Variants in COPS2 observed in about 807,000 individuals in gnomAD.
COPS2 encodes COP9 signalosome complex subunit 2.
A neutral mutation model predicts 66.1 loss-of-function variants in COPS2; 10 were observed. The ratio of observed to expected loss-of-function variants is 0.15; its 90% CI spans 0.09 to 0.26. COPS2 has a LOEUF of 0.26. Ranked by LOEUF, COPS2 falls within the 10% of genes least tolerant of loss-of-function variation. COPS2 has a pLI of 1.00. For synonymous variants in COPS2, 179 were observed against 171.3 expected, an observed-to-expected ratio of 1.04 and a Z score of -0.35; for missense variants, 215 against 513.3, an observed-to-expected ratio of 0.42 and a Z score of 5.62.
Position 49,124,994 on chromosome 15 carries a change from TATTG to T in COPS2, c.*2952_*2955del, listed in dbSNP as rs1055550871. 1.1e-4 allele frequency: 17 copies of T among 152,170 alleles called. No individual in the cohort carries two copies. The highest frequency in any genetic ancestry group is 3.3e-4 in the Admixed American group (5 of 15,286). 9.4% of individuals were successfully genotyped at this position (152,170 alleles called of 1,614,324 possible). A position where few individuals can be genotyped will look rare whatever the true frequency, so the allele number is the denominator to read the frequency against. On this transcript the variant is annotated 3_prime_UTR_variant, in exon 13 of 13. Coordinates refer to ENST00000388901, the MANE Select transcript of COPS2 (RefSeq NM_004236.4). ...CCTGTGTTTACTGAAGAACTGTAAC[TATTG>T]ATTAAAAAAGAAAATTTCCCACAAA...
chr15:49,151,144 T>C (rs2084357892), intron 1 of COPS2, among the ~76,000 whole-genome samples: 1 of 152,144 alleles, frequency 6.6e-6, no homozygotes. Flanking sequence ...CTCACGTCTG[T>C]AATCTCAGCA....
intron 6 of COPS2, 92 bp from the exon 7 acceptor site, chr15:49,134,606 AT>A: frequency 9.7e-7 from 1 of 1,029,452 alleles, no homozygotes; most frequent in Non-Finnish European, 1.4e-6. Context: ...TTATAATACT[AT>A]TTCCATGTGA....
At position 49,127,945 on chromosome 15, in the gene COPS2, C is replaced by T. The variant is rs768322431; in HGVS notation, c.*5G>A. 1.2e-5 allele frequency: 20 copies of T among 1,613,160 alleles called. No homozygotes were observed. The highest frequency in any genetic ancestry group is 1.6e-5 in the Non-Finnish European group (19 of 1,179,484). On this transcript the variant is annotated 3_prime_UTR_variant, in exon 13 of 13. Coordinates refer to ENST00000388901, the MANE Select transcript of COPS2 (RefSeq NM_004236.4). ...TTAAGGACGTCTGTAAAAGCTTGTTCTCTGTTAAGCCAGTTTACTGACTAC... is the reference window on the plus strand; with the variant it reads ...TTAAGGACGTCTGTAAAAGCTTGTTTTCTGTTAAGCCAGTTTACTGACTAC...
rs1301612535 is a variant in COPS2, at chr15:49,130,457, A to AT, written c.1045+261dup. 5.3e-5 allele frequency among the ~76,000 whole-genome samples: 8 copies of AT among 152,286 alleles called. 1 individual carries two copies. Among genetic ancestry groups the AT allele is most frequent in the Middle Eastern group, 6.8e-3 (2 of 294 alleles). On this transcript the variant is annotated intron_variant, in intron 10 of 12. Transcript: ENST00000388901. ...AAACATGCAACAGCATCTATATTAG[A>AT]TTTTTTTAAAAAGGGACAGTTACCT...
rs200836436 is a variant in COPS2 at position 49,137,341 on chromosome 15, C to T, written c.462+7G>A. On this transcript the variant is annotated splice_region_variant and intron_variant, in intron 5 of 12. Coordinates refer to ENST00000388901, the MANE Select transcript of COPS2 (RefSeq NM_004236.4). ...CAAAAGAAAAGTGTAAGTATTATAA[C>T]GGTTACCTTTGTGTTTGTCTTAAAC... The T allele has an allele frequency of 5.0e-5, 79 of 1,593,950 alleles. No individual in the cohort carries two copies. Among genetic ancestry groups the T allele is most frequent in the Non-Finnish European group, 6.0e-5 (70 of 1,162,876 alleles).
intron 1 of COPS2, among the ~76,000 whole-genome samples, chr15:49,155,031 A>G (rs1017427048): frequency 5.9e-5 from 9 of 152,158 alleles, no homozygotes; most frequent in Non-Finnish European, 1.3e-4. Flanking sequence ...TCTCCAGGAG[A>G]CTCACAAGTT....
chr15:49,130,924 A>G (rs2289391), intron 9 of COPS2, 108 bp from the exon 10 acceptor site: 10,118 of 509,892 alleles, frequency 0.02, 323 homozygotes, highest in South Asian at 0.081. Flanking sequence ...AAATCTAAAT[A>G]ATATTATACT....
At chr15:49,147,396 C>G (rs2084328083) in intron 1 of COPS2, among the ~76,000 whole-genome samples, 1 of 151,638 alleles carries the variant, frequency 6.6e-6, no homozygotes, top group Non-Finnish European at 1.5e-5. Context: ...TGGCTCAAAA[C>G]AAATTAGAAA....
chr15:49,129,347 T>G, intron 11 of COPS2, 130 bp downstream of exon 11: 1 of 409,298 alleles, frequency 2.4e-6, no homozygotes, highest in Non-Finnish European at 4.4e-6. Flanking sequence ...CCTTAAGTTA[T>G]GTTTAATTTA....
chr15:49,147,043 C>T (rs1204867329), intron 1 of COPS2, among the ~76,000 whole-genome samples: 1 of 152,106 alleles, frequency 6.6e-6, no homozygotes, highest in African/African-American at 2.4e-5. Context: ...CATTTCAGAT[C>T]TCAGCCTAAG....
At chr15:49,134,757 C>CT (rs1193383391) in intron 6 of COPS2, among the ~76,000 whole-genome samples, 1 of 152,124 alleles carries the variant, frequency 6.6e-6, no homozygotes, top group East Asian at 1.9e-4. Context: ...TATAGTAGTC[C>CT]TTCCTTATCC....
intron 3 of COPS2, among the ~76,000 whole-genome samples, chr15:49,141,420 C>T (rs139135521): frequency 2.2e-3 from 339 of 151,962 alleles, no homozygotes; most frequent in African/African-American, 7.6e-3. Context: ...AGCTTGAGCC[C>T]GGGAGGCAGA....
At chr15:49,129,789 T>C (rs577245775) in intron 10 of COPS2, among the ~76,000 whole-genome samples, 3 of 152,292 alleles carry the variant, frequency 2.0e-5, no homozygotes, top group East Asian at 3.9e-4. Context: ...ATTGAGACTC[T>C]ACTAAAATAT....
At position 49,127,089 on chromosome 15, in the gene COPS2, G is replaced by C. The variant is rs2084172560; in HGVS notation, c.*861C>G. ...TGAGAGTTAGTATTCTTTTGAAAAG[G>C]AATATCACTCTTTAAAAAAAAAGAA... On this transcript the variant is annotated 3_prime_UTR_variant, in exon 13 of 13. Coordinates refer to ENST00000388901, the MANE Select transcript of COPS2 (RefSeq NM_004236.4). The C allele has an allele frequency of 6.6e-6, 1 of 151,950 alleles. No homozygotes were observed. Among genetic ancestry groups the C allele is most frequent in the Admixed American group, 6.6e-5 (1 of 15,240 alleles). The allele number at this position is 151,950 out of a possible 1,614,324, so 9.4% of individuals were successfully genotyped here. A position where few individuals can be genotyped will look rare whatever the true frequency, so the allele number is the denominator to read the frequency against.
At chr15:49,135,213 G>A (rs72727219) in intron 6 of COPS2, among the ~76,000 whole-genome samples, 7,665 of 152,256 alleles carry the variant, frequency 0.05, 293 homozygotes, top group East Asian at 0.15. Flanking sequence ...CTGTGGATAA[G>A]GGTTGGGAGG....
At chr15:49,140,350 T>C (rs1316962893) in intron 3 of COPS2, among the ~76,000 whole-genome samples, 3 of 152,174 alleles carry the variant, frequency 2.0e-5, no homozygotes, top group Admixed American at 6.5e-5. Context: ...TTAGCTATAT[T>C]CTTCCCTGTA....
chr15:49,144,688 G>A (rs1043771819), intron 2 of COPS2, among the ~76,000 whole-genome samples: 1 of 152,106 alleles, frequency 6.6e-6, no homozygotes, highest in Non-Finnish European at 1.5e-5. Context: ...AAAGAAACAA[G>A]ATTGCAGTGA....
chr15:49,146,090 T>C (rs992644534), intron 1 of COPS2, among the ~76,000 whole-genome samples: 1 of 152,152 alleles, frequency 6.6e-6, no homozygotes. Flanking sequence ...CATAAAAGCA[T>C]AGGAGTGAAG....
intron 6 of COPS2, among the ~76,000 whole-genome samples, chr15:49,136,216 C>A (rs911021415): frequency 1.3e-5 from 2 of 151,938 alleles, no homozygotes; most frequent in African/African-American, 4.8e-5. Flanking sequence ...AAAAGTAGTA[C>A]GTGGCATTGG....
Sources: allele counts gnomAD v4.1 joint callset (sites outside exome capture counted in the v4.1 genomes callset), GRCh38; gene constraint gnomAD v4.1.1; transcripts MANE v1.5; gene names NCBI Gene and HGNC (gene_info 2026-07-23, HGNC 2026-07-21).